PRRC2C: variants seen among roughly 807,000 people sequenced by gnomAD.
PRRC2C encodes protein PRRC2C.
PRRC2C carries 72 observed loss-of-function variants against 317.2 expected under a neutral mutation model. The ratio of observed to expected loss-of-function variants is 0.23; its 90% CI spans 0.19 to 0.28. The LOEUF is 0.28. Ranked by LOEUF, PRRC2C falls within the 10% of genes least tolerant of loss-of-function variation. The pLI is 1.00. For missense variants in PRRC2C, 3,074 were observed against 3,459.7 expected (o/e 0.89, Z 2.80); for synonymous variants, 1,296 against 1,205.9 (o/e 1.07, Z -1.55).
Position 171,539,959 on chromosome 1 carries a change from T to C in PRRC2C, c.2505-12T>C. ...CTTTGTTGATTATACCTTTGAATTC[T>C]TATCATCATAGGTCTGAAGCTGCGT... On this transcript the variant is annotated splice_polypyrimidine_tract_variant and intron_variant, in intron 15 of 34. Transcript: ENST00000647382. 1 of 1,578,642 alleles carries C rather than the reference T, an allele frequency of 6.3e-7. No homozygotes were observed. The highest frequency in any genetic ancestry group is 8.6e-7 in the Non-Finnish European group (1 of 1,163,864).
At chr1:171,533,030 T>G in intron 12 of PRRC2C, 69 bp downstream of exon 12, 4 of 1,386,492 alleles carry the variant, frequency 2.9e-6, no homozygotes, top group Non-Finnish European at 3.8e-6. Context: ...CAGTTTGGGG[T>G]TTGTATATTT....
rs560265925 is a variant in PRRC2C at position 171,518,742 on chromosome 1, G to T, written c.750+928G>T. On this transcript the variant is annotated intron_variant, in intron 6 of 34. Transcript: ENST00000647382. ...GGTTTTGAACTCCTGGCATCAAGTA[G>T]TCTGCCCACCTTGGCCCCTCAGAGT... 8.5e-4 allele frequency among the ~76,000 whole-genome samples: 119 copies of T among 140,592 alleles called. 1 individual carries two copies. Among genetic ancestry groups the T allele is most frequent in the African/African-American group, 3.1e-3 (117 of 37,612 alleles). The allele number at this position is 140,592 out of a possible 152,430, so 92.2% of individuals were successfully genotyped here.
chr1:171,493,846 T>C (rs1412829768), intron 1 of PRRC2C, among the ~76,000 whole-genome samples: 1 of 152,224 alleles, frequency 6.6e-6, no homozygotes, highest in African/African-American at 2.4e-5. Context: ...GTTTTTCTTT[T>C]TAATATATTA....
intron 1 of PRRC2C, among the ~76,000 whole-genome samples, chr1:171,496,568 C>G (rs1668136661): frequency 6.6e-6 from 1 of 151,996 alleles, no homozygotes; most frequent in Non-Finnish European, 1.5e-5. Context: ...CATTCAGATT[C>G]CCCACTTGTT....
intron 18 of PRRC2C, among the ~76,000 whole-genome samples, chr1:171,551,980 T>C (rs1680334252): frequency 2.6e-5 from 4 of 152,212 alleles, no homozygotes; most frequent in Non-Finnish European, 4.4e-5. Context: ...TTAAAGTAGT[T>C]TTTTCCAATT....
chr1:171,524,627 ACT>A (rs1259075176), intron 9 of PRRC2C, among the ~76,000 whole-genome samples, 192 bp from the exon 10 acceptor site: 1 of 152,186 alleles, frequency 6.6e-6, no homozygotes, highest in Non-Finnish European at 1.5e-5. Flanking sequence ...TTTGACAACT[ACT>A]GTATTGCACT....
chr1:171,569,778 AAT>A (rs1050748583), intron 23 of PRRC2C, among the ~76,000 whole-genome samples: 19 of 151,384 alleles, frequency 1.3e-4, no homozygotes, highest in African/African-American at 4.4e-4. Flanking sequence ...ATTTTTAAAA[AAT>A]ACAGAATATT....
In PRRC2C at chr1:171,584,095, A is replaced by G. The variant is rs747305834; in HGVS notation, c.7549A>G (p.Asn2517Asp). The G allele has an allele frequency of 3.1e-6, 5 of 1,613,968 alleles. No homozygotes were observed. Among genetic ancestry groups the G allele is most frequent in the Non-Finnish European group, 4.2e-6 (5 of 1,179,856 alleles). ...QSGLAFQQTSNTQPIPILYEH... is the reference protein window; with the variant it reads ...QSGLAFQQTSDTQPIPILYEH... ...CGGTCTTGCCTTTCAGCAAACATCAAATACTCAGCCCATTCCTATATTGTA... is the reference window on the plus strand; with the variant it reads ...CGGTCTTGCCTTTCAGCAAACATCAGATACTCAGCCCATTCCTATATTGTA... Residue 2517 changes from asparagine (N) to aspartate (D), a missense_variant, in exon 29 of 35, where the codon AAT becomes GAT. Asn to Asp is a conservative substitution (Grantham distance 23). This residue lies in a region of PRRC2C where 490 missense variants were observed against 663.1 expected (regional missense o/e 0.74). Transcript: ENST00000647382.
rs142185729 is a variant in PRRC2C, at chr1:171,583,510, C to A, written c.7410-446C>A. Among the ~76,000 whole-genome samples, 587 of 152,152 alleles carry A rather than the reference C, an allele frequency of 3.9e-3. 3 individuals carry two copies. The highest frequency in any genetic ancestry group is 0.013 in the African/African-American group (536 of 41,494). ...ACAATGCCTTCTTCTGGAATACCCG[C>A]TAAAGGATCTACCTGAAGCTGTTTT... On this transcript the variant is annotated intron_variant, in intron 28 of 34. Coordinates refer to ENST00000647382, the MANE Select transcript of PRRC2C (RefSeq NM_001387844.1).
At position 171,514,078 on chromosome 1, in the gene PRRC2C, A is replaced by T. The variant is rs573947878; in HGVS notation, c.291-458A>T. 5.3e-5 allele frequency among the ~76,000 whole-genome samples: 8 copies of T among 152,370 alleles called. No homozygotes were observed. In the East Asian group the frequency reaches 1.5e-3, roughly 29 times the overall value. On this transcript the variant is annotated intron_variant, in intron 3 of 34. Coordinates refer to ENST00000647382, the MANE Select transcript of PRRC2C (RefSeq NM_001387844.1). ...AGGCAGGTTGCTGTTACCTCTTTGA[A>T]TAACAGTAGTAAGTACAGTGGTGAT... is the stretch of plus-strand genomic sequence containing the variant.
At chr1:171,501,767 A>T (rs1669160138) in intron 1 of PRRC2C, among the ~76,000 whole-genome samples, 1 of 152,228 alleles carries the variant, frequency 6.6e-6, no homozygotes, top group Non-Finnish European at 1.5e-5. Flanking sequence ...TTTTGAAATC[A>T]GAGCTGGCAA....
chr1:171,559,544 A>G (rs1250636645), intron 19 of PRRC2C, among the ~76,000 whole-genome samples: 41 of 89,228 alleles, frequency 4.6e-4, no homozygotes, highest in African/African-American at 1.9e-3. Flanking sequence ...TTTTTTTGAG[A>G]CAGTTTCACT....
At chr1:171,497,297 T>C (rs1298524204) in intron 1 of PRRC2C, among the ~76,000 whole-genome samples, 1 of 152,200 alleles carries the variant, frequency 6.6e-6, no homozygotes, top group Non-Finnish European at 1.5e-5. Context: ...AATGAGATTA[T>C]GTTGGGCACT....
intron 19 of PRRC2C, among the ~76,000 whole-genome samples, chr1:171,559,373 G>A (rs1682110166): frequency 6.6e-6 from 1 of 152,054 alleles, no homozygotes; most frequent in Non-Finnish European, 1.5e-5. Flanking sequence ...TGAAGCTGAA[G>A]CCCCTGCTCA....
At chr1:171,501,100 C>T (rs994370578) in intron 1 of PRRC2C, among the ~76,000 whole-genome samples, 1 of 151,710 alleles carries the variant, frequency 6.6e-6, no homozygotes, top group African/African-American at 2.4e-5. Flanking sequence ...GTCTCACTAC[C>T]GGTTCAGTCT....
chr1:171,591,373 G>GTT (rs35289979), intron 34 of PRRC2C: 14,032 of 267,356 alleles, frequency 0.052, 5 homozygotes, highest in South Asian at 0.1. Flanking sequence ...TGGTCCTGTG[G>GTT]TTTTTTTTTT....
At chr1:171,533,221 T>C (rs1676191304) in intron 12 of PRRC2C, among the ~76,000 whole-genome samples, 1 of 152,202 alleles carries the variant, frequency 6.6e-6, no homozygotes. Flanking sequence ...CATAGTCACA[T>C]ATACTGATTC....
Position 171,540,868 on chromosome 1 carries a change from C to A in PRRC2C, c.3402C>A (p.Val1134=). The stretch of plus-strand genomic sequence containing the variant: ...AACAGACTATGGCAGCACCAGTAGT[C>A]AAAGAAGAAAAACAACCTGAGAAAG... ...VNQQTMAAPV[V]KEEKQPEKVI... Residue 1134 remains valine (V), a synonymous_variant, in exon 16 of 35, where the codon GTC becomes GTA. Coordinates refer to ENST00000647382, the MANE Select transcript of PRRC2C (RefSeq NM_001387844.1). 1.2e-6 allele frequency: 2 copies of A among 1,613,440 alleles called. No homozygotes were observed. The highest frequency in any genetic ancestry group is 2.2e-5 in the South Asian group (2 of 91,012).
At chr1:171,511,075 T>G (rs964881168) in intron 1 of PRRC2C, 3 of 152,234 alleles carry the variant, frequency 2.0e-5, no homozygotes, top group African/African-American at 7.2e-5. Context: ...TGCTTTTTGC[T>G]TGGTATACCT....
Sources: allele counts gnomAD v4.1 joint callset (sites outside exome capture counted in the v4.1 genomes callset), GRCh38; gene constraint gnomAD v4.1.1; regional missense constraint gnomAD v4.1.1; transcripts MANE v1.5; gene names NCBI Gene and HGNC (gene_info 2026-07-23, HGNC 2026-07-21).